ABTB3: variants seen among roughly 807,000 people sequenced by gnomAD.
ABTB3 encodes ankyrin repeat and BTB domain containing 3.
chr12:107,586,865 A>G, the ABTB3 span, among the ~76,000 whole-genome samples: 8 of 152,362 alleles, frequency 5.3e-5, no homozygotes, highest in Admixed American at 4.6e-4. Context: ...TAGAGAGGTC[A>G]GTAGAGATCT....
chr12:107,604,667 GA>G, the ABTB3 span, among the ~76,000 whole-genome samples: 8 of 152,106 alleles, frequency 5.3e-5, no homozygotes, highest in Admixed American at 4.6e-4. Flanking sequence ...CTGCTGGTGG[GA>G]ATGTAAATTA....
At chr12:107,421,031 A>T in the ABTB3 span, among the ~76,000 whole-genome samples, 1 of 152,196 alleles carries the variant, frequency 6.6e-6, no homozygotes, top group East Asian at 1.9e-4. Context: ...GAGAGGTTTC[A>T]GTAGAGAGGA....
At chr12:107,652,343 T>C in the ABTB3 span, among the ~76,000 whole-genome samples, 1 of 152,198 alleles carries the variant, frequency 6.6e-6, no homozygotes, top group South Asian at 2.1e-4. Flanking sequence ...TCCAGAATTG[T>C]TCTCAATGCC....
At chr12:107,619,883 C>A in the ABTB3 span, 1 of 1,130,478 alleles carries the variant, frequency 8.8e-7, no homozygotes, top group Non-Finnish European at 1.2e-6. Flanking sequence ...GGGGAAAAGC[C>A]AACTTCCAGA....
chr12:107,398,147 G>A, the ABTB3 span, among the ~76,000 whole-genome samples: 1 of 152,090 alleles, frequency 6.6e-6, no homozygotes, highest in African/African-American at 2.4e-5. Context: ...ACCTTGCACA[G>A]CTCTGGCATT....
At chr12:107,427,489 C>T in the ABTB3 span, among the ~76,000 whole-genome samples, 5 of 152,030 alleles carry the variant, frequency 3.3e-5, no homozygotes, top group African/African-American at 7.2e-5. Flanking sequence ...TATTCTGAAG[C>T]GATTCTACCA....
chr12:107,355,394 G>C, the ABTB3 span, among the ~76,000 whole-genome samples: 3 of 152,238 alleles, frequency 2.0e-5, no homozygotes, highest in Non-Finnish European at 4.4e-5. Flanking sequence ...GTGCCTGGGA[G>C]CCCTGAGCCT....
chr12:107,434,957 C>T, the ABTB3 span, among the ~76,000 whole-genome samples: 1 of 152,076 alleles, frequency 6.6e-6, no homozygotes, highest in East Asian at 1.9e-4. Context: ...GGGAGGGTAG[C>T]GTAGGAGGTG....
At chr12:107,337,950 C>A in the ABTB3 span, among the ~76,000 whole-genome samples, 29 of 152,144 alleles carry the variant, frequency 1.9e-4, no homozygotes, top group Admixed American at 1.9e-3. Context: ...TCTAATTCTT[C>A]ATTCAGGAAA....
the ABTB3 span, chr12:107,642,102 C>T: frequency 1.2e-6 from 2 of 1,613,940 alleles, no homozygotes; most frequent in African/African-American, 1.3e-5. Context: ...TCAAAGCACT[C>T]CTCTCCAGCA....
the ABTB3 span, among the ~76,000 whole-genome samples, chr12:107,329,075 C>A: frequency 6.6e-6 from 1 of 152,196 alleles, no homozygotes; most frequent in Non-Finnish European, 1.5e-5. Context: ...GGACAGCTCC[C>A]CCCATACCCT....
At chr12:107,354,655 A>T in the ABTB3 span, among the ~76,000 whole-genome samples, 1 of 152,108 alleles carries the variant, frequency 6.6e-6, no homozygotes, top group African/African-American at 2.4e-5. Flanking sequence ...ATTGCTGGAC[A>T]TTTGGGTTGT....
the ABTB3 span, among the ~76,000 whole-genome samples, chr12:107,469,516 A>C: frequency 1.3e-5 from 2 of 152,206 alleles, no homozygotes; most frequent in Non-Finnish European, 2.9e-5. Context: ...TAGGTGATGC[A>C]TGTCGGTTAC....
At chr12:107,403,151 T>C in the ABTB3 span, among the ~76,000 whole-genome samples, 1 of 152,300 alleles carries the variant, frequency 6.6e-6, no homozygotes, top group African/African-American at 2.4e-5. Context: ...AGAGATCACG[T>C]ATATCAGTGA....
chr12:107,622,185 T>C, the ABTB3 span, among the ~76,000 whole-genome samples: 1 of 152,146 alleles, frequency 6.6e-6, no homozygotes, highest in Non-Finnish European at 1.5e-5. Context: ...ACTGGTGAAA[T>C]GTGGCTTTAC....
At chr12:107,538,414 G>A in the ABTB3 span, among the ~76,000 whole-genome samples, 3 of 152,206 alleles carry the variant, frequency 2.0e-5, no homozygotes, top group African/African-American at 7.2e-5. Flanking sequence ...GAATTATCCT[G>A]CACACAGGAA....
chr12:107,456,290 G>A, the ABTB3 span, among the ~76,000 whole-genome samples: 1 of 152,208 alleles, frequency 6.6e-6, no homozygotes, highest in African/African-American at 2.4e-5. Flanking sequence ...TCCATGGCCT[G>A]TTAGGAACTG....
the ABTB3 span, among the ~76,000 whole-genome samples, chr12:107,614,116 C>A: frequency 3.3e-5 from 5 of 152,070 alleles, no homozygotes; most frequent in African/African-American, 1.2e-4. Context: ...GCTTAGTGAA[C>A]CAAACTGCTC....
At chr12:107,439,508 T>G in the ABTB3 span, among the ~76,000 whole-genome samples, 4 of 152,138 alleles carry the variant, frequency 2.6e-5, no homozygotes, top group Non-Finnish European at 5.9e-5. Context: ...CAGTGTATCT[T>G]GGGAACCACA....
Sources: allele counts gnomAD v4.1 joint callset (sites outside exome capture counted in the v4.1 genomes callset), GRCh38; gene constraint gnomAD v4.1.1; transcripts MANE v1.5; gene names NCBI Gene and HGNC (gene_info 2026-07-23, HGNC 2026-07-21).